Variants in PPM1G observed in about 807,000 individuals in gnomAD.
PPM1G encodes protein phosphatase, Mg2+/Mn2+ dependent 1G.
Under a neutral mutation model 59.4 loss-of-function variants are expected in PPM1G, and 12 were observed. That is an observed-to-expected ratio of 0.20 (90% CI 0.13 to 0.33). The LOEUF is 0.33. PPM1G is among the 10% of genes least tolerant of loss of function. The pLI is 1.00. For synonymous variants in PPM1G, 245 were observed against 251.9 expected, an observed-to-expected ratio of 0.97 and a Z score of 0.26; for missense variants, 392 against 681.3, an observed-to-expected ratio of 0.58 and a Z score of 4.73.
At chr2:27,402,903 T>C (rs1432624282) in intron 1 of PPM1G, among the ~76,000 whole-genome samples, 1 of 140,312 alleles carries the variant, frequency 7.1e-6, no homozygotes, top group Admixed American at 7.5e-5. Context: ...TGCAAGGCCC[T>C]ATCTCTACAA....
intron 1 of PPM1G, among the ~76,000 whole-genome samples, chr2:27,403,826 CCGAGATCACACCA>C (rs1394795307): frequency 2.0e-4 from 30 of 151,424 alleles, no homozygotes; most frequent in African/African-American, 6.8e-4. Context: ...GGCCAGTGAG[CCGAGATCACACCA>C]CTGCACTCTA....
rs1253031551 is a variant in PPM1G at position 27,381,662 on chromosome 2, G to C, written c.1578C>G (p.Leu526=). The C allele has an allele frequency of 3.7e-6, 6 of 1,613,942 alleles. No individual in the cohort carries two copies. In the African/African-American group the frequency reaches 4.0e-5, roughly 11 times the overall value. ...ESGKRKLEEV[L]STEGAEENGN... ...CATTTTCTTCAGCCCCCTCAGTAGAGAGCACCTCCTCTAGTTTTCGCTTGC... is the reference window on the plus strand; with the variant it reads ...CATTTTCTTCAGCCCCCTCAGTAGACAGCACCTCCTCTAGTTTTCGCTTGC... The change falls in exon 10 of 10, where the codon CTC becomes CTG. Residue 526 remains leucine, a synonymous_variant. Transcript: ENST00000344034.
chr2:27,385,025 G>T lies in PPM1G; in HGVS notation c.473C>A (p.Thr158Lys). 6.2e-7 allele frequency: 1 copy of T among 1,613,908 alleles called. No homozygotes were observed. The highest frequency in any genetic ancestry group is 1.1e-5 in the South Asian group (1 of 91,082). ...EATMTIEELL[T>K]RYGQNCHKGP... is the part of the protein sequence containing the mutation. Reference sequence around the variant, plus strand: ...CTTGTGACAGTTCTGCCCGTAGCGTGTCAGCAGCTCTTCAATAGTCATGGT... The same window carrying T: ...CTTGTGACAGTTCTGCCCGTAGCGTTTCAGCAGCTCTTCAATAGTCATGGT... The change falls in exon 5 of 10, where the codon ACA (threonine) becomes AAA (lysine). Residue 158 changes from threonine (T) to lysine (K), a missense_variant. Physicochemically the swap from Thr to Lys is moderately conservative, Grantham distance 78 (BLOSUM62 -1). Transcript: ENST00000344034. This position sits in a 1 kb window ranked among gnomAD's most constrained non-coding sequence, Gnocchi z 4.1.
rs774959084 is a variant in PPM1G at position 27,385,840 on chromosome 2, T to C, written c.316A>G (p.Thr106Ala). The change falls in exon 4 of 10, where the codon ACC becomes GCC. Residue 106 changes from threonine (T) to alanine (A), a missense_variant. Thr to Ala is a moderately conservative substitution (Grantham distance 58). Transcript: ENST00000344034. This position sits in a 1 kb window ranked among gnomAD's most constrained non-coding sequence, Gnocchi z 4.1. ...DAFLAIDAKL[T>A]TEEVIKELAQ... Reference sequence around the variant, plus strand: ...AGCTCTTTAATGACTTCTTCAGTGGTCAATTTGGCGTCAATAGCCAAGAAG... The same window carrying C: ...AGCTCTTTAATGACTTCTTCAGTGGCCAATTTGGCGTCAATAGCCAAGAAG... 6.2e-7 allele frequency: 1 copy of C among 1,613,988 alleles called. No homozygotes were observed.
At chr2:27,405,039 T>C (rs895719530) in intron 1 of PPM1G, among the ~76,000 whole-genome samples, 12 of 198 alleles carry the variant, frequency 0.061, no homozygotes, top group African/African-American at 0.14. Context: ...CCTTACCTTA[T>C]AATTTTTCAG....
chr2:27,386,298 A>G lies in PPM1G; in HGVS notation c.191-19T>C. On this transcript the variant is annotated intron_variant, in intron 2 of 9. Coordinates refer to ENST00000344034, the MANE Select transcript of PPM1G (RefSeq NM_177983.3). ...TCCTCCCCTAGAAGGAAAGGAAGGAAGGTCACCTGGAGCACTGCTCCCCAC... is the reference window on the plus strand; with the variant it reads ...TCCTCCCCTAGAAGGAAAGGAAGGAGGGTCACCTGGAGCACTGCTCCCCAC... 6.4e-7 allele frequency: 1 copy of G among 1,561,582 alleles called. No homozygotes were observed. Among genetic ancestry groups the G allele is most frequent in the Non-Finnish European group, 8.8e-7 (1 of 1,132,568 alleles).
At chr2:27,394,179 G>A (rs1418506209) in intron 1 of PPM1G, among the ~76,000 whole-genome samples, 2 of 152,276 alleles carry the variant, frequency 1.3e-5, no homozygotes, top group Middle Eastern at 3.4e-3. Flanking sequence ...TTACAGGTGT[G>A]AGCCACCGCA....
chr2:27,404,261 T>C (rs1663278723), intron 1 of PPM1G, among the ~76,000 whole-genome samples: 6 of 151,714 alleles, frequency 4.0e-5, no homozygotes, highest in Admixed American at 3.9e-4. Flanking sequence ...GCACAAAAAA[T>C]TCCTGGCCGG....
rs558974402 is a variant in PPM1G at position 27,409,497 on chromosome 2, G to A, written c.-75C>T. On this transcript the variant is annotated 5_prime_UTR_variant, in exon 1 of 10. Coordinates refer to ENST00000344034, the MANE Select transcript of PPM1G (RefSeq NM_177983.3). ...GTGCCGGAGCCGAAGCCCCGGGGGT[G>A]CGCGCGGCAGGAGCAGGCCCCGCGG... is the stretch of plus-strand genomic sequence containing the variant. The A allele has an allele frequency of 9.0e-5, 124 of 1,375,624 alleles. No homozygotes were observed. In the South Asian group the frequency reaches 1.8e-3, roughly 20 times the overall value. 85.2% of individuals were successfully genotyped at this position (1,375,624 alleles called of 1,614,324 possible). A position where few individuals can be genotyped will look rare whatever the true frequency, so the allele number is the denominator to read the frequency against.
chr2:27,382,221 T>A lies in PPM1G; in HGVS notation c.1339A>T (p.Met447Leu). 6.2e-7 allele frequency: 1 copy of A among 1,614,138 alleles called. No homozygotes were observed. Among genetic ancestry groups the A allele is most frequent in the Non-Finnish European group, 8.5e-7 (1 of 1,179,980 alleles). The change falls in exon 9 of 10, where the codon ATG (methionine) becomes TTG (leucine). Residue 447 changes from methionine to leucine, a missense_variant. Around this residue, in one of 6 missense-constraint regions of PPM1G, gnomAD observed 53 missense variants for 175.4 expected, o/e 0.30. Transcript: ENST00000344034. This position sits in a 1 kb window ranked among gnomAD's most constrained non-coding sequence, Gnocchi z 4.2. ...AAATCTACAACTTCCTGGCTGCTCATCACATTCCTGGGGTCAAGAACAACA... is the reference window on the plus strand; with the variant it reads ...AAATCTACAACTTCCTGGCTGCTCAACACATTCCTGGGGTCAAGAACAACA... The part of the protein sequence containing the change: ...VIACDGIWNV[M>L]SSQEVVDFIQ...
At chr2:27,403,523 T>C (rs958216578) in intron 1 of PPM1G, among the ~76,000 whole-genome samples, 2 of 152,232 alleles carry the variant, frequency 1.3e-5, no homozygotes, top group Non-Finnish European at 2.9e-5. Flanking sequence ...CTTTGAACTG[T>C]GAATGGGTAC....
intron 1 of PPM1G, among the ~76,000 whole-genome samples, chr2:27,407,495 G>C (rs952520580): frequency 2.0e-5 from 3 of 152,036 alleles, no homozygotes; most frequent in African/African-American, 7.2e-5. Context: ...TCGAACTCCT[G>C]AGCTCAGGTG....
At chr2:27,393,618 C>T (rs1683972978) in intron 1 of PPM1G, among the ~76,000 whole-genome samples, 1 of 152,190 alleles carries the variant, frequency 6.6e-6, no homozygotes, top group Admixed American at 6.6e-5. Context: ...AAGAGTCTCA[C>T]TCTGTCGCCA....
At chr2:27,392,183 T>C (rs1041433087) in intron 1 of PPM1G, among the ~76,000 whole-genome samples, 10 of 151,978 alleles carry the variant, frequency 6.6e-5, no homozygotes, top group Non-Finnish European at 1.3e-4. Flanking sequence ...ACCAGAGTCA[T>C]GCTTAACTTC....
chr2:27,387,238 A>C, intron 1 of PPM1G, 80 bp from the exon 2 acceptor site: 4 of 1,179,950 alleles, frequency 3.4e-6, no homozygotes, highest in Non-Finnish European at 3.8e-6. Context: ...GTCACCCCTT[A>C]CTAACCTTTC....
At chr2:27,387,939 C>G (rs1683808679) in intron 1 of PPM1G, among the ~76,000 whole-genome samples, 1 of 152,116 alleles carries the variant, frequency 6.6e-6, no homozygotes, top group South Asian at 2.1e-4. Flanking sequence ...GCTGGGACTA[C>G]AGGCACCCAC....
intron 1 of PPM1G, among the ~76,000 whole-genome samples, chr2:27,392,616 G>C (rs1029802214): frequency 6.7e-6 from 1 of 150,222 alleles, no homozygotes; most frequent in Non-Finnish European, 1.5e-5. Context: ...TTTTTTGGGG[G>C]GGGGGAGGGT....
At chr2:27,408,075 A>G (rs1663422756) in intron 1 of PPM1G, among the ~76,000 whole-genome samples, 1 of 152,114 alleles carries the variant, frequency 6.6e-6, no homozygotes, top group African/African-American at 2.4e-5. Context: ...GCCAAAGCAG[A>G]TGAGATGAAC....
chr2:27,402,487 C>T (rs984869035), intron 1 of PPM1G, among the ~76,000 whole-genome samples: 6 of 152,122 alleles, frequency 3.9e-5, no homozygotes, highest in Non-Finnish European at 5.9e-5. Flanking sequence ...TGCTTGAGAA[C>T]TTATAAGGCA....
Sources: gnomAD v4.1 joint callset for allele counts (sites outside exome capture counted in the v4.1 genomes callset) on GRCh38, gnomAD v4.1.1 for gene constraint, gnomAD v4.1.1 regional missense constraint, Gnocchi (gnomAD v3.1) non-coding constraint, MANE v1.5 for transcripts, NCBI Gene and HGNC (gene_info 2026-07-23, HGNC 2026-07-21) for gene names.